TTC21B: variants seen among roughly 807,000 people sequenced by gnomAD.
TTC21B encodes tetratricopeptide repeat domain 21B.
Under a neutral mutation model 175.1 loss-of-function variants are expected in TTC21B, and 127 were observed. That is an observed-to-expected ratio of 0.73 (90% CI 0.63 to 0.84). The LOEUF (loss-of-function observed/expected upper bound fraction) is 0.84. Among genes scored for constraint, TTC21B ranks in the 40% least tolerant of loss-of-function variants. The pLI is 0.00. For synonymous variants in TTC21B, 524 were observed against 524.5 expected (o/e 1.00, Z 0.01); for missense variants, 1,561 against 1,558.3 (o/e 1.00, Z -0.03).
chr2:165,876,341 G>A, intron 27 of TTC21B, 109 bp from the exon 28 acceptor site: 1 of 757,354 alleles, frequency 1.3e-6, no homozygotes, highest in Non-Finnish European at 2.4e-6. Context: ...AAGGGAGGCT[G>A]GTGAATGAAC....
intron 11 of TTC21B, 60 bp downstream of exon 11, chr2:165,929,075 A>T (rs757994855): frequency 6.6e-7 from 1 of 1,510,100 alleles, no homozygotes. Context: ...AAAACTTTTA[A>T]GTTCTTTCAT....
chr2:165,895,997 C>T (rs908346569), intron 22 of TTC21B, among the ~76,000 whole-genome samples: 2 of 152,114 alleles, frequency 1.3e-5, no homozygotes, highest in African/African-American at 4.8e-5. Flanking sequence ...TTTTTAAATA[C>T]AAACTGATGT....
chr2:165,916,283 T>C (rs937459495), intron 14 of TTC21B, among the ~76,000 whole-genome samples: 1 of 152,124 alleles, frequency 6.6e-6, no homozygotes, highest in Non-Finnish European at 1.5e-5. Flanking sequence ...AGTAAATAAA[T>C]GGAAATTCTT....
At chr2:165,904,995 T>G (rs1685681822) in intron 19 of TTC21B, among the ~76,000 whole-genome samples, 1 of 152,140 alleles carries the variant, frequency 6.6e-6, no homozygotes, top group Non-Finnish European at 1.5e-5. Flanking sequence ...ATAGGGCAGA[T>G]AGGCAAAATC....
chr2:165,951,408 GA>G (rs1172689648), intron 1 of TTC21B, among the ~76,000 whole-genome samples: 4 of 151,880 alleles, frequency 2.6e-5, no homozygotes, highest in African/African-American at 9.7e-5. Flanking sequence ...GTTCTATTCT[GA>G]AAAAAATAAG....
In TTC21B at chr2:165,907,723, A is replaced by G. The variant is rs375125407; in HGVS notation, c.2523T>C (p.Tyr841=). ...GRCQVLLAKV[Y]SKMEKLGDAI... Reference sequence around the variant, plus strand: ...CATCACCAAGTTTTTCCATTTTACTATAAACTTTTGCTAGAAGAACTTGAC... The same window carrying G: ...CATCACCAAGTTTTTCCATTTTACTGTAAACTTTTGCTAGAAGAACTTGAC... Residue 841 remains tyrosine (Y), a synonymous_variant, in exon 19 of 29, where the codon TAT becomes TAC. Transcript: ENST00000243344. The G allele has an allele frequency of 3.7e-5, 60 of 1,613,190 alleles. No individual in the cohort carries two copies. Among genetic ancestry groups the G allele is most frequent in the Non-Finnish European group, 5.0e-5 (59 of 1,179,726 alleles).
intron 1 of TTC21B, 142 bp downstream of exon 1, chr2:165,953,543 C>A (rs6716946): frequency 5.6e-6 from 8 of 1,425,964 alleles, no homozygotes; most frequent in Non-Finnish European, 7.6e-6. Context: ...AGGCCCACCC[C>A]GCAACCCGAG....
chr2:165,931,716 A>T, intron 8 of TTC21B, 42 bp downstream of exon 8: 1 of 1,495,768 alleles, frequency 6.7e-7, no homozygotes, highest in Non-Finnish European at 9.3e-7. Flanking sequence ...TATGTCCTCT[A>T]CTATAGATAA....
intron 1 of TTC21B, among the ~76,000 whole-genome samples, chr2:165,950,492 C>A (rs2105371421): frequency 6.6e-6 from 1 of 152,304 alleles, no homozygotes; most frequent in South Asian, 2.1e-4. Context: ...ACCTGATTCA[C>A]CAGAAAGCAG....
At chr2:165,886,870 G>T (rs1347280047) in intron 25 of TTC21B, among the ~76,000 whole-genome samples, 1 of 152,150 alleles carries the variant, frequency 6.6e-6, no homozygotes, top group Non-Finnish European at 1.5e-5. Flanking sequence ...AGATGTACAT[G>T]ATTGCCCTAC....
Position 165,907,719 on chromosome 2 carries a change from T to C in TTC21B, c.2527A>G (p.Lys843Glu). ...CQVLLAKVYSKMEKLGDAITA... is the reference protein window; with the variant it reads ...CQVLLAKVYSEMEKLGDAITA... The stretch of plus-strand genomic sequence containing the variant: ...ATCGCATCACCAAGTTTTTCCATTT[T>C]ACTATAAACTTTTGCTAGAAGAACT... The change falls in exon 19 of 29, where the codon AAA becomes GAA. Residue 843 changes from lysine (K) to glutamate (E), a missense_variant. Coordinates refer to ENST00000243344, the MANE Select transcript of TTC21B (RefSeq NM_024753.5). The C allele has an allele frequency of 6.2e-7, 1 of 1,613,294 alleles. No individual in the cohort carries two copies. Among genetic ancestry groups the C allele is most frequent in the Non-Finnish European group, 8.5e-7 (1 of 1,179,690 alleles).
chr2:165,951,190 CCTTA>C (rs1687751987), intron 1 of TTC21B, among the ~76,000 whole-genome samples: 1 of 152,184 alleles, frequency 6.6e-6, no homozygotes. Flanking sequence ...ACGTTTAATA[CCTTA>C]CTTGACTTCT....
Position 165,949,699 on chromosome 2 carries a change from T to C in TTC21B, c.47A>G (p.Glu16Gly). The change falls in exon 2 of 29, where the codon GAG (glutamate) becomes GGG (glycine). Residue 16 changes from glutamate to glycine, a missense_variant. Transcript: ENST00000243344. ...LKTLINYYCQ[E>G]RYFHHVLLVA... The stretch of plus-strand genomic sequence containing the variant: ...CAGTAATACATGATGGAAATATCTC[T>C]CTTGACAATAGTAATTAATCAAAGT... 2 of 1,611,846 alleles carry C rather than the reference T, an allele frequency of 1.2e-6. No individual in the cohort carries two copies. The highest frequency in any genetic ancestry group is 1.7e-6 in the Non-Finnish European group (2 of 1,178,486).
At chr2:165,938,444 A>G (rs904518565) in intron 6 of TTC21B, among the ~76,000 whole-genome samples, 1 of 152,158 alleles carries the variant, frequency 6.6e-6, no homozygotes, top group South Asian at 2.1e-4. Context: ...GAGAGAGACA[A>G]GCAGACATTC....
chr2:165,919,337 G>T lies in TTC21B; in HGVS notation c.1613C>A (p.Ser538Tyr). ...AHLLLAQVYL[S>Y]QEKVKLCSQS... The stretch of plus-strand genomic sequence containing the variant: ...AGAACACAATTTGACTTTTTCTTGA[G>T]ACAAGTAAACCTGAGCTAGCAGCAG... The change falls in exon 13 of 29, where the codon TCT becomes TAT. Residue 538 changes from serine to tyrosine, a missense_variant. Ser to Tyr is a moderately radical substitution (Grantham distance 144). Transcript: ENST00000243344. 1 of 1,614,028 alleles carries T rather than the reference G, an allele frequency of 6.2e-7. No individual in the cohort carries two copies. Among genetic ancestry groups the T allele is most frequent in the Non-Finnish European group, 8.5e-7 (1 of 1,179,978 alleles).
intron 1 of TTC21B, among the ~76,000 whole-genome samples, chr2:165,950,907 C>A (rs185029240): frequency 1.3e-5 from 2 of 152,140 alleles, no homozygotes; most frequent in South Asian, 4.1e-4. Flanking sequence ...CACGCCCGTC[C>A]GACAGCTCTG....
chr2:165,908,718 T>A (rs575354040), intron 18 of TTC21B, among the ~76,000 whole-genome samples: 2 of 152,276 alleles, frequency 1.3e-5, no homozygotes, highest in East Asian at 3.9e-4. Context: ...ATGTCATGGG[T>A]ATGCTCAGCA....
At chr2:165,901,524 TG>T (rs1244572171) in intron 20 of TTC21B, among the ~76,000 whole-genome samples, 197 bp downstream of exon 20, 1 of 152,060 alleles carries the variant, frequency 6.6e-6, no homozygotes, top group Non-Finnish European at 1.5e-5. Context: ...GGTTTCCCCA[TG>T]TTGGTCAGGC....
intron 28 of TTC21B, 43 bp downstream of exon 28, chr2:165,876,122 G>T (rs752847448): frequency 8.7e-7 from 1 of 1,143,098 alleles, no homozygotes; most frequent in Non-Finnish European, 1.3e-6. Flanking sequence ...GTAGGAAATT[G>T]TGCATCTGAA....
Sources: gnomAD v4.1 joint callset for allele counts (sites outside exome capture counted in the v4.1 genomes callset) on GRCh38, gnomAD v4.1.1 for gene constraint, MANE v1.5 for transcripts, NCBI Gene and HGNC (gene_info 2026-07-23, HGNC 2026-07-21) for gene names.